Variants in DCC observed in about 807,000 individuals in gnomAD.
The protein encoded by DCC is netrin receptor DCC.
DCC carries 58 observed loss-of-function variants against 172.5 expected under a neutral mutation model. That is an observed-to-expected ratio of 0.34 (90% CI 0.27 to 0.42). The LOEUF (loss-of-function observed/expected upper bound fraction) is 0.42. Ranked by LOEUF, DCC falls within the 10% of genes least tolerant of loss-of-function variation. The pLI is 1.00. For synonymous variants in DCC, 709 were observed against 644.5 expected, an observed-to-expected ratio of 1.10 and a Z score of -1.52; for missense variants, 1,740 against 1,791.0, an observed-to-expected ratio of 0.97 and a Z score of 0.51.
At chr18:52,652,737 T>TGG (rs1555709970) in intron 1 of DCC, among the ~76,000 whole-genome samples, 4 of 151,712 alleles carry the variant, frequency 2.6e-5, no homozygotes, top group African/African-American at 4.8e-5. Context: ...TGTGTGTGTG[T>TGG]GTGGGTGGAG....
At chr18:53,217,385 A>C (rs562670344) in intron 12 of DCC, among the ~76,000 whole-genome samples, 35 of 152,164 alleles carry the variant, frequency 2.3e-4, no homozygotes, top group Admixed American at 7.9e-4. Flanking sequence ...CAGCAAGCAA[A>C]TACAAACACT....
intron 1 of DCC, among the ~76,000 whole-genome samples, chr18:52,533,051 G>A (rs1049354090): frequency 6.6e-6 from 1 of 152,030 alleles, no homozygotes; most frequent in Non-Finnish European, 1.5e-5. Flanking sequence ...AAAATATGTG[G>A]CCTTTAAAAT....
intron 1 of DCC, among the ~76,000 whole-genome samples, chr18:52,427,799 C>CTGTCT (rs1987478617): frequency 7.7e-6 from 1 of 129,474 alleles, no homozygotes. Context: ...GGTAAACTAA[C>CTGTCT]TTTCTTTTCT....
intron 1 of DCC, among the ~76,000 whole-genome samples, chr18:52,587,834 G>T (rs1028939489): frequency 1.3e-5 from 2 of 152,146 alleles, no homozygotes; most frequent in African/African-American, 4.8e-5. Context: ...CTGATCATGG[G>T]GAACTCCCCA....
At chr18:52,807,277 C>T (rs2038106073) in intron 2 of DCC, among the ~76,000 whole-genome samples, 1 of 152,188 alleles carries the variant, frequency 6.6e-6, no homozygotes, top group Non-Finnish European at 1.5e-5. Context: ...ACTGCGCCTC[C>T]TGCCTCTCTA....
At chr18:53,185,749 A>T (rs1410385265) in intron 9 of DCC, among the ~76,000 whole-genome samples, 1 of 152,190 alleles carries the variant, frequency 6.6e-6, no homozygotes, top group Non-Finnish European at 1.5e-5. Context: ...CTTTCAAGGA[A>T]CTGGTAGTCT....
At chr18:52,947,125 AT>A (rs1185455847) in intron 5 of DCC, among the ~76,000 whole-genome samples, 1 of 152,144 alleles carries the variant, frequency 6.6e-6, no homozygotes, top group East Asian at 1.9e-4. Context: ...TGGTGTGAAT[AT>A]TTGTATCAAA....
At chr18:53,471,806 C>T (rs1298806236) in intron 25 of DCC, among the ~76,000 whole-genome samples, 2 of 152,170 alleles carry the variant, frequency 1.3e-5, no homozygotes, top group Non-Finnish European at 2.9e-5. Context: ...CTGACCATTG[C>T]CTAACACAGC....
At chr18:53,336,552 G>A (rs896360514) in intron 14 of DCC, among the ~76,000 whole-genome samples, 2 of 152,042 alleles carry the variant, frequency 1.3e-5, no homozygotes, top group African/African-American at 4.8e-5. Context: ...GCTTAATTTG[G>A]TGATAAAGGG....
rs1309997013 is a variant in DCC at position 53,534,484 on chromosome 18, C to T, written c.*3831C>T. ...CTGGAGATGCAGAAGCAGCCATACACTCAAGTCTCTGTTTTTGTAAATCAC... is the reference window on the plus strand; with the variant it reads ...CTGGAGATGCAGAAGCAGCCATACATTCAAGTCTCTGTTTTTGTAAATCAC... On this transcript the variant is annotated 3_prime_UTR_variant, in exon 29 of 29. Transcript: ENST00000442544. 2.0e-5 allele frequency: 3 copies of T among 152,204 alleles called. No individual in the cohort carries two copies. The highest frequency in any genetic ancestry group is 6.5e-5 in the Admixed American group (1 of 15,270). The allele number at this position is 152,204 out of a possible 1,614,324, so 9.4% of individuals were successfully genotyped here.
chr18:53,317,183 C>T (rs1471004152), intron 13 of DCC, among the ~76,000 whole-genome samples: 3 of 152,164 alleles, frequency 2.0e-5, no homozygotes, highest in African/African-American at 7.2e-5. Context: ...AAGGCCTTTT[C>T]TGCATCTATG....
chr18:52,756,346 A>G (rs1159508927), intron 2 of DCC, among the ~76,000 whole-genome samples: 4 of 152,138 alleles, frequency 2.6e-5, no homozygotes, highest in East Asian at 3.9e-4. Flanking sequence ...TGCCTTACCA[A>G]TGAAGACCTG....
chr18:53,386,295 A>T (rs1287299379), intron 16 of DCC, among the ~76,000 whole-genome samples, 157 bp downstream of exon 16: 2 of 152,196 alleles, frequency 1.3e-5, no homozygotes, highest in African/African-American at 4.8e-5. Context: ...TCTGATAAGT[A>T]CATATGTATA....
rs939512591 is a variant in DCC, at chr18:52,688,952, G to T, written c.92-63102G>T. 3.9e-5 allele frequency among the ~76,000 whole-genome samples: 6 copies of T among 152,156 alleles called. No individual in the cohort carries two copies. In the South Asian group the frequency reaches 1.2e-3, roughly 32 times the overall value. On this transcript the variant is annotated intron_variant, in intron 1 of 28. Transcript: ENST00000442544. ...TAAGTACAGAAAAGATTAAGGCATT[G>T]TGCATTTATTTTTATTAAAATAATT...
At chr18:52,777,621 A>G (rs1984342) in intron 2 of DCC, among the ~76,000 whole-genome samples, 12,455 of 152,106 alleles carry the variant, frequency 0.082, 732 homozygotes, top group South Asian at 0.16. Flanking sequence ...GGTGGTGGGG[A>G]CAATATTCAG....
intron 1 of DCC, among the ~76,000 whole-genome samples, chr18:52,468,415 G>T (rs1988850544): frequency 6.6e-6 from 1 of 152,158 alleles, no homozygotes; most frequent in South Asian, 2.1e-4. Context: ...AGATAATTTT[G>T]CAGGGCTCTT....
At chr18:52,750,722 A>C (rs2036981485) in intron 1 of DCC, among the ~76,000 whole-genome samples, 1 of 152,212 alleles carries the variant, frequency 6.6e-6, no homozygotes, top group Non-Finnish European at 1.5e-5. Flanking sequence ...AGATAGAAAT[A>C]GTTCTGTCCA....
intron 1 of DCC, among the ~76,000 whole-genome samples, chr18:52,348,660 A>G (rs1269423945): frequency 1.3e-5 from 2 of 152,212 alleles, no homozygotes; most frequent in Non-Finnish European, 2.9e-5. Context: ...TATTATTGGT[A>G]GTTATTCTGT....
rs16955814 is a variant in DCC at position 52,902,633 on chromosome 18, T to C, written c.413-3411T>C. Among the ~76,000 whole-genome samples, 279 of 152,344 alleles carry C rather than the reference T, an allele frequency of 1.8e-3. 1 individual carries two copies. Among genetic ancestry groups the C allele is most frequent in the African/African-American group, 6.3e-3 (263 of 41,582 alleles). ...TTTATTGTTCATTACTAGATATTCA[T>C]GCACATACCTTGAAACTATAGTACT... On this transcript the variant is annotated intron_variant, in intron 2 of 28. Coordinates refer to ENST00000442544, the MANE Select transcript of DCC (RefSeq NM_005215.4).
Sources: allele counts gnomAD v4.1 joint callset (sites outside exome capture counted in the v4.1 genomes callset), GRCh38; gene constraint gnomAD v4.1.1; transcripts MANE v1.5; gene names NCBI Gene and HGNC (gene_info 2026-07-23, HGNC 2026-07-21).